The following CARMIL1 variants were observed in gnomAD, a reference collection of about 807,000 sequenced individuals.
CARMIL1 encodes capping protein regulator and myosin 1 linker 1, also known as F-actin-uncapping protein LRRC16A.
A neutral mutation model predicts 177.1 loss-of-function variants in CARMIL1; 90 were observed. That is an observed-to-expected ratio of 0.51 (90% CI 0.43 to 0.61). CARMIL1 has a LOEUF of 0.61. Ranked by LOEUF, CARMIL1 falls within the 20% of genes least tolerant of loss-of-function variation. The pLI, the probability that CARMIL1 is intolerant of heterozygous loss-of-function variation, is 0.00. For synonymous variants in CARMIL1, 577 were observed against 606.2 expected, an observed-to-expected ratio of 0.95 and a Z score of 0.71; for missense variants, 1,380 against 1,667.0, an observed-to-expected ratio of 0.83 and a Z score of 3.00.
intron 2 of CARMIL1, among the ~76,000 whole-genome samples, chr6:25,349,874 A>C (rs188757169): frequency 3.2e-4 from 49 of 152,148 alleles, no homozygotes; most frequent in Admixed American, 1.3e-3. Context: ...GATTACAGGC[A>C]CATGCCACCA....
rs779113777 is a variant in CARMIL1, at chr6:25,509,391, G to C, written c.1396-265G>C. ...CACTGCTTTGCTACTATAGTGGCGT[G>C]GGTGGTGGTCATCTTGTTTCTCTTT... is the stretch of plus-strand genomic sequence containing the variant. On this transcript the variant is annotated intron_variant, in intron 17 of 36. Transcript: ENST00000329474. The surrounding 1 kb of genome is among the most constrained non-coding windows in gnomAD (Gnocchi z 4.1). Among the ~76,000 whole-genome samples the C allele has an allele frequency of 7.9e-5, 12 of 152,276 alleles. No individual in the cohort carries two copies. The highest frequency in any genetic ancestry group is 1.0e-4 in the Non-Finnish European group (7 of 68,006).
At chr6:25,576,108 A>C (rs1002955383) in intron 29 of CARMIL1, among the ~76,000 whole-genome samples, 11 of 152,268 alleles carry the variant, frequency 7.2e-5, no homozygotes, top group Admixed American at 5.9e-4. Context: ...TCTTTTATAA[A>C]TGAATTTTTA....
chr6:25,322,995 T>G (rs1784801463), intron 2 of CARMIL1, among the ~76,000 whole-genome samples: 1 of 152,164 alleles, frequency 6.6e-6, no homozygotes, highest in Non-Finnish European at 1.5e-5. Context: ...GGGCTAGAAT[T>G]GTGATGGTTG....
chr6:25,609,192 C>T (rs139823902), intron 35 of CARMIL1, among the ~76,000 whole-genome samples: 117 of 152,048 alleles, frequency 7.7e-4, no homozygotes, highest in Middle Eastern at 3.4e-3. Context: ...ATTGGCCAGG[C>T]GCGGTGGCTC....
chr6:25,411,071 A>T (rs1794857904), intron 2 of CARMIL1, among the ~76,000 whole-genome samples: 1 of 152,122 alleles, frequency 6.6e-6, no homozygotes, highest in African/African-American at 2.4e-5. Flanking sequence ...GTTAATATGA[A>T]CTTTATAGTT....
At chr6:25,602,269 G>A (rs529151528) in intron 33 of CARMIL1, among the ~76,000 whole-genome samples, 1 of 152,314 alleles carries the variant, frequency 6.6e-6, no homozygotes, top group Non-Finnish European at 1.5e-5. Flanking sequence ...GGCATGGTGT[G>A]GCCCTCACTG....
intron 24 of CARMIL1, among the ~76,000 whole-genome samples, chr6:25,536,967 G>T (rs539075816): frequency 6.6e-6 from 1 of 152,194 alleles, no homozygotes. Context: ...CAGCTCTAAC[G>T]AAAATATTGG....
At chr6:25,480,653 ATTTATATTT>A (rs1202255678) in intron 11 of CARMIL1, among the ~76,000 whole-genome samples, 6 of 145,206 alleles carry the variant, frequency 4.1e-5, no homozygotes, top group East Asian at 2.0e-4. Flanking sequence ...AATTTAAATT[ATTTATATTT>A]AATTTAAATT....
At chr6:25,360,316 C>G (rs760605650) in intron 2 of CARMIL1, among the ~76,000 whole-genome samples, 1 of 152,196 alleles carries the variant, frequency 6.6e-6, no homozygotes, top group Non-Finnish European at 1.5e-5. Context: ...GAGAGACTGA[C>G]TTTGTCTTTG....
At chr6:25,555,124 GA>G (rs957876900) in intron 28 of CARMIL1, among the ~76,000 whole-genome samples, 5 of 152,090 alleles carry the variant, frequency 3.3e-5, no homozygotes, top group African/African-American at 1.2e-4. Flanking sequence ...CAGTGCATAT[GA>G]AAAAATATAG....
intron 2 of CARMIL1, among the ~76,000 whole-genome samples, chr6:25,365,132 G>A (rs1789638724): frequency 6.6e-6 from 1 of 152,162 alleles, no homozygotes; most frequent in South Asian, 2.1e-4. Flanking sequence ...TATTTTGGAA[G>A]TGCAGAGATT....
intron 2 of CARMIL1, among the ~76,000 whole-genome samples, chr6:25,329,671 A>G (rs547405229): frequency 6.6e-6 from 1 of 152,362 alleles, no homozygotes; most frequent in South Asian, 2.1e-4. Flanking sequence ...GAAGTCAAAC[A>G]AGAATTCTGA....
In CARMIL1 at chr6:25,537,873, G is replaced by A. The variant is rs1808461466; in HGVS notation, c.2086G>A (p.Val696Met). Residue 696 changes from valine (V) to methionine (M), a missense_variant, in exon 25 of 37, where the codon GTG becomes ATG. Coordinates refer to ENST00000329474, the MANE Select transcript of CARMIL1 (RefSeq NM_017640.6). ...GGAGCAGATGATTGACAGAATATGT[G>A]TGAAAGTACAAGATCATCTCAACTC... is the stretch of plus-strand genomic sequence containing the variant. ...TTQQMIDRIC[V>M]KVQDHLNSLR... 1 of 1,610,888 alleles carries A rather than the reference G, an allele frequency of 6.2e-7. No homozygotes were observed. Among genetic ancestry groups the A allele is most frequent in the African/African-American group, 1.3e-5 (1 of 75,004 alleles).
intron 2 of CARMIL1, among the ~76,000 whole-genome samples, chr6:25,302,701 A>AGGGATCAATAACAGCGATGCT (rs1782955768): frequency 6.6e-6 from 1 of 152,208 alleles, no homozygotes; most frequent in African/African-American, 2.4e-5. Context: ...TTCACGATGC[A>AGGGATCAATAACAGCGATGCT]GGGATCAATA....
intron 2 of CARMIL1, among the ~76,000 whole-genome samples, chr6:25,298,505 C>T (rs77083253): frequency 0.028 from 4,255 of 152,294 alleles, 72 homozygotes; most frequent in Non-Finnish European, 0.038. Context: ...AGAAATTTGT[C>T]TCTGAGGACA....
intron 29 of CARMIL1, among the ~76,000 whole-genome samples, chr6:25,570,303 T>C (rs1470450987): frequency 2.6e-5 from 4 of 152,238 alleles, no homozygotes; most frequent in African/African-American, 7.2e-5. Context: ...TACAGGGATA[T>C]ATACCTGATC....
Position 25,279,633 on chromosome 6 carries a change from C to A in CARMIL1, c.-163C>A. The A allele has an allele frequency of 1.6e-6, 1 of 614,698 alleles. No individual in the cohort carries two copies. The highest frequency in any genetic ancestry group is 2.9e-6 in the Non-Finnish European group (1 of 343,586). 38.1% of individuals were successfully genotyped at this position (614,698 alleles called of 1,614,324 possible). ...ACTCTTTTTTTTTTTTTTGGTGGGG[C>A]GGGGGGCGCGCGGCAAAATTCTGTC... On this transcript the variant is annotated 5_prime_UTR_variant, in exon 1 of 37. Transcript: ENST00000329474.
intron 23 of CARMIL1, among the ~76,000 whole-genome samples, chr6:25,525,023 C>A (rs1806952545): frequency 1.3e-5 from 2 of 151,794 alleles, no homozygotes; most frequent in South Asian, 4.2e-4. Flanking sequence ...AATGGGAATA[C>A]CAGAAGGAAA....
At chr6:25,403,542 G>A (rs1346175352) in intron 2 of CARMIL1, among the ~76,000 whole-genome samples, 2 of 152,004 alleles carry the variant, frequency 1.3e-5, no homozygotes, top group African/African-American at 2.4e-5. Context: ...CCTCCCCTGC[G>A]CTTACTCCCT....
Sources: allele counts gnomAD v4.1 joint callset (sites outside exome capture counted in the v4.1 genomes callset), GRCh38; gene constraint gnomAD v4.1.1; non-coding constraint Gnocchi (gnomAD v3.1); transcripts MANE v1.5; gene names NCBI Gene and HGNC (gene_info 2026-07-23, HGNC 2026-07-21).